The following ADGRB3 variants were observed in gnomAD, a reference collection of about 807,000 sequenced individuals.
ADGRB3 encodes brain-specific angiogenesis inhibitor 3.
ADGRB3 carries 37 observed loss-of-function variants against 193.4 expected under a neutral mutation model. The observed-to-expected ratio is 0.19, with a 90% confidence interval of 0.15 to 0.25. ADGRB3 has a LOEUF of 0.25. Ranked by LOEUF, ADGRB3 falls within the 10% of genes least tolerant of loss-of-function variation. The pLI is 1.00. For missense variants in ADGRB3, 1,637 were observed against 1,852.9 expected (o/e 0.88, Z 2.14); for synonymous variants, 690 against 644.2 (o/e 1.07, Z -1.08).
chr6:69,234,098 T>G (rs991330693), intron 18 of ADGRB3, among the ~76,000 whole-genome samples: 2 of 152,178 alleles, frequency 1.3e-5, no homozygotes, highest in African/African-American at 4.8e-5. Context: ...AAATGTGATA[T>G]TCTGCCTACA....
At chr6:68,685,867 T>G (rs1289074796) in intron 3 of ADGRB3, among the ~76,000 whole-genome samples, 1 of 152,200 alleles carries the variant, frequency 6.6e-6, no homozygotes. Context: ...CACTCCAGCC[T>G]GGGCGACAGA....
intron 17 of ADGRB3, among the ~76,000 whole-genome samples, chr6:69,142,464 G>A (rs999246182): frequency 2.0e-5 from 3 of 152,194 alleles, no homozygotes; most frequent in African/African-American, 4.8e-5. Context: ...TAAGTTGAAA[G>A]CATGAGGTCT....
intron 3 of ADGRB3, among the ~76,000 whole-genome samples, chr6:68,913,569 T>C: frequency 6.6e-6 from 1 of 151,784 alleles, no homozygotes; most frequent in Non-Finnish European, 1.5e-5. Context: ...AGACCAAAAG[T>C]AGATAAAACC....
chr6:69,299,927 T>A (rs1250337674), intron 20 of ADGRB3, among the ~76,000 whole-genome samples: 1 of 151,868 alleles, frequency 6.6e-6, no homozygotes, highest in Non-Finnish European at 1.5e-5. Flanking sequence ...AGACTATCAT[T>A]GGTATTTTAA....
At chr6:68,959,582 C>T (rs1241768247) in intron 8 of ADGRB3, among the ~76,000 whole-genome samples, 1 of 151,976 alleles carries the variant, frequency 6.6e-6, no homozygotes, top group African/African-American at 2.4e-5. Flanking sequence ...AATGATTAAT[C>T]ATCTGGATCT....
intron 3 of ADGRB3, among the ~76,000 whole-genome samples, chr6:68,731,346 CA>C (rs544184079): frequency 1.2e-3 from 177 of 149,918 alleles, no homozygotes; most frequent in South Asian, 6.1e-3. Flanking sequence ...AATTCATTTA[CA>C]AAAAAAATAC....
chr6:69,247,049 T>C (rs962671980), intron 20 of ADGRB3, among the ~76,000 whole-genome samples: 1 of 152,186 alleles, frequency 6.6e-6, no homozygotes, highest in Non-Finnish European at 1.5e-5. Context: ...TTGGCCTTCA[T>C]GATTTCTCAC....
intron 15 of ADGRB3, among the ~76,000 whole-genome samples, chr6:69,057,505 A>G (rs1771578022): frequency 7.7e-6 from 1 of 129,954 alleles, no homozygotes; most frequent in South Asian, 3.1e-4. Flanking sequence ...AAAAACTTTC[A>G]GGGTTTTTTT....
At chr6:68,649,507 T>C (rs1320870262) in intron 3 of ADGRB3, among the ~76,000 whole-genome samples, 3 of 152,132 alleles carry the variant, frequency 2.0e-5, no homozygotes, top group Admixed American at 1.3e-4. Context: ...CTTTCATTCA[T>C]TAGATTTTTT....
intron 3 of ADGRB3, among the ~76,000 whole-genome samples, chr6:68,852,822 T>G (rs1768433871): frequency 6.6e-6 from 1 of 152,030 alleles, no homozygotes; most frequent in Non-Finnish European, 1.5e-5. Flanking sequence ...GAATTAATGC[T>G]GTCCTCATCT....
chr6:69,081,131 A>G (rs1412139067), intron 17 of ADGRB3, among the ~76,000 whole-genome samples: 1 of 152,014 alleles, frequency 6.6e-6, no homozygotes, highest in African/African-American at 2.4e-5. Flanking sequence ...GATAAGTTAA[A>G]TTTTTGGAAT....
At chr6:68,643,918 C>A (rs1258295266) in intron 3 of ADGRB3, among the ~76,000 whole-genome samples, 3 of 144,202 alleles carry the variant, frequency 2.1e-5, no homozygotes, top group Non-Finnish European at 3.0e-5. Flanking sequence ...GGTGACAGAG[C>A]AAGACTCTAT....
At chr6:68,965,297 T>G (rs1243056825) in intron 8 of ADGRB3, among the ~76,000 whole-genome samples, 2 of 152,158 alleles carry the variant, frequency 1.3e-5, no homozygotes, top group Non-Finnish European at 2.9e-5. Flanking sequence ...GGTACCACCT[T>G]GGAAATTAGA....
intron 17 of ADGRB3, among the ~76,000 whole-genome samples, chr6:69,151,588 TGAAG>T (rs1247621882): frequency 1.3e-5 from 2 of 152,198 alleles, no homozygotes; most frequent in African/African-American, 2.4e-5. Context: ...TTGGTCCTTA[TGAAG>T]GACTTTTTTG....
chr6:69,050,939 T>C (rs548903682), intron 15 of ADGRB3, among the ~76,000 whole-genome samples: 2 of 152,330 alleles, frequency 1.3e-5, no homozygotes, highest in East Asian at 1.9e-4. Context: ...CAATGTTGCA[T>C]TATGATAATC....
At chr6:69,066,296 A>G (rs1302705699) in intron 16 of ADGRB3, among the ~76,000 whole-genome samples, 2 of 151,480 alleles carry the variant, frequency 1.3e-5, no homozygotes, top group Non-Finnish European at 2.9e-5. Context: ...ACTTTCACTT[A>G]TTTTCTTATA....
chr6:69,260,251 T>C, intron 20 of ADGRB3, among the ~76,000 whole-genome samples: 1 of 152,208 alleles, frequency 6.6e-6, no homozygotes, highest in Middle Eastern at 3.2e-3. Context: ...TAAAGTATTT[T>C]GTCTATGATT....
At chr6:69,089,971 C>T (rs139106383) in intron 17 of ADGRB3, among the ~76,000 whole-genome samples, 65 of 152,256 alleles carry the variant, frequency 4.3e-4, no homozygotes, top group Middle Eastern at 6.8e-3. Flanking sequence ...ATTTTTGCCC[C>T]CAACTTAGAA....
At chr6:69,004,552 A>T (rs1408009997) in intron 11 of ADGRB3, among the ~76,000 whole-genome samples, 3 of 135,016 alleles carry the variant, frequency 2.2e-5, no homozygotes, top group Non-Finnish European at 3.2e-5. Context: ...TCCTAATGCT[A>T]TCCCTCCCCC....
Sources: allele counts gnomAD v4.1 joint callset (sites outside exome capture counted in the v4.1 genomes callset), GRCh38; gene constraint gnomAD v4.1.1; transcripts MANE v1.5; gene names NCBI Gene and HGNC (gene_info 2026-07-23, HGNC 2026-07-21).